The following SGCD variants were observed in gnomAD, a reference collection of about 807,000 sequenced individuals.
SGCD encodes the protein sarcoglycan delta.
Under a neutral mutation model 36.6 loss-of-function variants are expected in SGCD, and 18 were observed. The observed-to-expected ratio is 0.49, with a 90% CI of 0.34 to 0.73. SGCD has a LOEUF of 0.73. Ranked by LOEUF, SGCD falls within the 30% of genes least tolerant of loss-of-function variation. The pLI, the probability that SGCD is intolerant of heterozygous loss-of-function variation, is 0.01. For synonymous variants in SGCD, 133 were observed against 130.6 expected, an observed-to-expected ratio of 1.02 and a Z score of -0.12; for missense variants, 387 against 346.7, an observed-to-expected ratio of 1.12 and a Z score of -0.92.
chr5:156,572,881 A>T, intron 4 of SGCD, among the ~76,000 whole-genome samples: 1 of 152,156 alleles, frequency 6.6e-6, no homozygotes, highest in Non-Finnish European at 1.5e-5. Context: ...TCCTCAAAGG[A>T]TTAGTGACGA....
intron 3 of SGCD, among the ~76,000 whole-genome samples, chr5:156,358,067 A>AT (rs1769581130): frequency 6.6e-6 from 1 of 152,214 alleles, no homozygotes; most frequent in South Asian, 2.1e-4. Context: ...CCATTATTAC[A>AT]TGAGGCTGTC....
rs112967159 is a variant in SGCD at position 155,958,506 on chromosome 5, A to G, written c.-282+88082A>G. 2.2e-4 allele frequency among the ~76,000 whole-genome samples: 33 copies of G among 152,192 alleles called. 1 individual carries two copies. Among genetic ancestry groups the G allele is most frequent in the African/African-American group, 7.5e-4 (31 of 41,550 alleles). On this transcript the variant is annotated intron_variant, in intron 1 of 9. Transcript: ENST00000517913. Reference sequence around the variant, plus strand: ...GTCTACTTCATGTGTTCACTTCTCAACCAGATTTTGTGTTCCATGAGGAGT... The same window carrying G: ...GTCTACTTCATGTGTTCACTTCTCAGCCAGATTTTGTGTTCCATGAGGAGT...
At chr5:156,083,515 G>A (rs1307068327) in intron 1 of SGCD, among the ~76,000 whole-genome samples, 1 of 150,610 alleles carries the variant, frequency 6.6e-6, no homozygotes, top group East Asian at 2.0e-4. Context: ...GGTTGGTCTC[G>A]AACTCCTGAC....
At chr5:155,771,566 G>A in the SGCD span, among the ~76,000 whole-genome samples, 21 of 152,006 alleles carry the variant, frequency 1.4e-4, no homozygotes, top group East Asian at 3.1e-3. Context: ...TATTACAGGC[G>A]TGCGTCAATG....
chr5:156,523,475 A>G (rs1757496742), intron 4 of SGCD, among the ~76,000 whole-genome samples: 1 of 152,180 alleles, frequency 6.6e-6, no homozygotes, highest in Non-Finnish European at 1.5e-5. Flanking sequence ...GTTAAGCGAA[A>G]TGATTTTAGT....
At chr5:156,235,542 A>G (rs567732921) in intron 3 of SGCD, among the ~76,000 whole-genome samples, 126 of 152,238 alleles carry the variant, frequency 8.3e-4, no homozygotes, top group Non-Finnish European at 1.0e-3. Context: ...GATGTAGCCT[A>G]TAGCAGTGTC....
intron 6 of SGCD, among the ~76,000 whole-genome samples, chr5:156,636,493 G>A (rs2113549612): frequency 6.6e-6 from 1 of 152,222 alleles, no homozygotes; most frequent in African/African-American, 2.4e-5. Flanking sequence ...TAAAATACAT[G>A]CTCATCCAAG....
In SGCD at chr5:155,933,722, C is replaced by T. The variant is rs28378494; in HGVS notation, c.-282+63298C>T. ...TGCAAAATGGATATAAAATATGTAC[C>T]TACCTTGAAGATTTGTGAGGATTAA... is the stretch of plus-strand genomic sequence containing the variant. On this transcript the variant is annotated intron_variant, in intron 1 of 9. Coordinates refer to the SGCD transcript ENST00000517913. 9.0e-3 allele frequency among the ~76,000 whole-genome samples: 1,374 copies of T among 152,284 alleles called. 27 individuals are homozygous for T. The highest frequency in any genetic ancestry group is 0.031 in the African/African-American group (1,271 of 41,542).
At chr5:156,611,867 G>C (rs1199396664) in intron 6 of SGCD, among the ~76,000 whole-genome samples, 2 of 151,988 alleles carry the variant, frequency 1.3e-5, no homozygotes, top group South Asian at 4.1e-4. Context: ...ATTTGTTATT[G>C]ACACTGTCAG....
intron 3 of SGCD, among the ~76,000 whole-genome samples, chr5:156,391,704 A>T (rs1771579090): frequency 6.6e-6 from 1 of 152,236 alleles, no homozygotes; most frequent in South Asian, 2.1e-4. Flanking sequence ...GGATTTTGGT[A>T]TCTGCAGGGG....
intron 6 of SGCD, among the ~76,000 whole-genome samples, chr5:156,621,516 C>T (rs190309179): frequency 0.018 from 2,471 of 135,892 alleles, 69 homozygotes; most frequent in African/African-American, 0.07. Context: ...TAAGCATTTA[C>T]GTTAAAAAAA....
chr5:156,360,269 CAA>C (rs1769716927), intron 3 of SGCD, among the ~76,000 whole-genome samples: 1 of 138,742 alleles, frequency 7.2e-6, no homozygotes, highest in East Asian at 2.1e-4. Flanking sequence ...TTTTTGGAGA[CAA>C]AGTCTTGCTC....
intron 1 of SGCD, among the ~76,000 whole-genome samples, chr5:155,937,667 C>G (rs1198129216): frequency 6.6e-6 from 1 of 152,050 alleles, no homozygotes; most frequent in African/African-American, 2.4e-5. Flanking sequence ...AGACAGTAGA[C>G]AAGAAAAATG....
chr5:155,900,970 A>G (rs1756375582), intron 1 of SGCD, among the ~76,000 whole-genome samples: 1 of 152,128 alleles, frequency 6.6e-6, no homozygotes, highest in Non-Finnish European at 1.5e-5. Context: ...CTTTATCACC[A>G]AATGCTGGAG....
chr5:156,148,860 C>T (rs80061948), intron 3 of SGCD, among the ~76,000 whole-genome samples: 4,095 of 152,114 alleles, frequency 0.027, 161 homozygotes, highest in African/African-American at 0.082. Flanking sequence ...TCTCTAGAGC[C>T]GTGGAAAGTT....
intron 3 of SGCD, among the ~76,000 whole-genome samples, chr5:156,445,523 A>T (rs187416068): frequency 3.0e-4 from 46 of 152,304 alleles, no homozygotes; most frequent in African/African-American, 9.6e-4. Context: ...CACTGCCCTC[A>T]GTCCGGTGTT....
intron 3 of SGCD, among the ~76,000 whole-genome samples, chr5:156,373,392 C>T (rs961518463): frequency 2.6e-5 from 4 of 152,124 alleles, no homozygotes; most frequent in African/African-American, 4.8e-5. Context: ...ATTTGGTAAG[C>T]GTTACCTTTA....
At chr5:155,925,567 T>C (rs947191993) in intron 1 of SGCD, among the ~76,000 whole-genome samples, 6 of 152,168 alleles carry the variant, frequency 3.9e-5, no homozygotes, top group African/African-American at 1.4e-4. Flanking sequence ...GCTGTGTTTC[T>C]GTGTCTTCAT....
intron 2 of SGCD, among the ~76,000 whole-genome samples, chr5:156,121,538 C>A (rs1762040681): frequency 6.6e-6 from 1 of 151,866 alleles, no homozygotes; most frequent in African/African-American, 2.4e-5. Flanking sequence ...AGCCTTTTAT[C>A]AGTTAAAAAA....
Sources: gnomAD v4.1 joint callset for allele counts (sites outside exome capture counted in the v4.1 genomes callset) on GRCh38, gnomAD v4.1.1 for gene constraint, MANE v1.5 for transcripts, NCBI Gene and HGNC (gene_info 2026-07-23, HGNC 2026-07-21) for gene names.